The following PARL variants were observed in gnomAD, a reference collection of about 807,000 sequenced individuals.
PARL encodes presenilin associated rhomboid like, also known as presenilin-associated rhomboid-like protein, mitochondrial.
A neutral mutation model predicts 51.6 loss-of-function variants in PARL; 44 were observed. The ratio of observed to expected loss-of-function variants is 0.85; its 90% confidence interval spans 0.67 to 1.10. The LOEUF (loss-of-function observed/expected upper bound fraction) is 1.10. Ranked by LOEUF, PARL falls within the 50% of genes least tolerant of loss-of-function variation. The pLI, the probability that PARL is intolerant of heterozygous loss-of-function variation, is 0.00. For synonymous variants in PARL, 172 were observed against 164.0 expected, an observed-to-expected ratio of 1.05 and a Z score of -0.37; for missense variants, 441 against 469.5, an observed-to-expected ratio of 0.94 and a Z score of 0.56.
chr3:183,848,980 G>A (rs1039164545), intron 4 of PARL, among the ~76,000 whole-genome samples: 1 of 152,102 alleles, frequency 6.6e-6, no homozygotes, highest in African/African-American at 2.4e-5. Flanking sequence ...ATATAATGAT[G>A]AAAAGGTCAA....
intron 6 of PARL, 132 bp from the exon 7 acceptor site, chr3:183,840,772 A>G: frequency 1.7e-6 from 1 of 596,498 alleles, no homozygotes. Flanking sequence ...GCAGTGGTAC[A>G]ATTTTGGCTC....
chr3:183,841,896 CTTAAG>C (rs1410948675), intron 6 of PARL, among the ~76,000 whole-genome samples: 1 of 152,112 alleles, frequency 6.6e-6, no homozygotes, highest in Non-Finnish European at 1.5e-5. Flanking sequence ...AATGAGCTTG[CTTAAG>C]GTTATTTAAC....
intron 1 of PARL, among the ~76,000 whole-genome samples, chr3:183,882,257 A>ATT (rs1427022011): frequency 1.8e-5 from 1 of 56,150 alleles, no homozygotes; most frequent in African/African-American, 5.9e-5. Flanking sequence ...ATATATATAT[A>ATT]TATATATATA....
At chr3:183,861,610 C>T (rs1227401430) in intron 4 of PARL, among the ~76,000 whole-genome samples, 2 of 152,100 alleles carry the variant, frequency 1.3e-5, no homozygotes, top group Non-Finnish European at 2.9e-5. Flanking sequence ...GAAAGATAAA[C>T]ACCCTTTCTC....
Position 183,884,736 on chromosome 3 carries a change from C to T in PARL, c.111G>A (p.Gln37=). 6.3e-7 allele frequency: 1 copy of T among 1,589,632 alleles called. No individual in the cohort carries two copies. Among genetic ancestry groups the T allele is most frequent in the Non-Finnish European group, 8.5e-7 (1 of 1,170,834 alleles). Residue 37 remains glutamine, a synonymous_variant, in exon 1 of 10, where the codon CAG becomes CAA. Coordinates refer to ENST00000317096, the MANE Select transcript of PARL (RefSeq NM_018622.7). ...EELTAVLTPP[Q]LLGRRFNFFI... ...GCGGCTATTACCTGCGTCCGAGGAG[C>T]TGCGGCGGGGTTAGGACCGCAGTGA... is the stretch of plus-strand genomic sequence containing the variant.
chr3:183,870,060 G>A (rs369265205), intron 1 of PARL, among the ~76,000 whole-genome samples: 3 of 147,126 alleles, frequency 2.0e-5, no homozygotes, highest in South Asian at 2.2e-4. Context: ...GGTGGATCAC[G>A]AGGTCAGGAG....
At chr3:183,863,954 C>A (rs956605484) in intron 3 of PARL, among the ~76,000 whole-genome samples, 4 of 152,158 alleles carry the variant, frequency 2.6e-5, no homozygotes, top group African/African-American at 7.2e-5. Context: ...CTGTTTGTAT[C>A]ATTTTTCACC....
intron 4 of PARL, among the ~76,000 whole-genome samples, chr3:183,853,550 T>A (rs1239013482): frequency 6.6e-6 from 1 of 151,928 alleles, no homozygotes; most frequent in South Asian, 2.1e-4. Context: ...AGACTCTGTC[T>A]CAAAAAAACA....
In PARL at chr3:183,830,897, C is replaced by T. The variant is rs117011890; in HGVS notation, c.1029-1188G>A. On this transcript the variant is annotated intron_variant, in intron 9 of 9. Coordinates refer to ENST00000317096, the MANE Select transcript of PARL (RefSeq NM_018622.7). Reference sequence around the variant, plus strand: ...TTTAGAATGAGAGAAAAAGGAGCACCCTAATATTCAAATGCAATTATAAAA... The same window carrying T: ...TTTAGAATGAGAGAAAAAGGAGCACTCTAATATTCAAATGCAATTATAAAA... Among the ~76,000 whole-genome samples the T allele has an allele frequency of 0.01, 1,528 of 152,202 alleles. 116 individuals carry two copies. In the East Asian group the frequency reaches 0.18, roughly 18 times the overall value.
Position 183,855,194 on chromosome 3 carries a change from T to C in PARL, c.511+7559A>G, listed in dbSNP as rs191999184. Among the ~76,000 whole-genome samples the C allele has an allele frequency of 2.0e-5, 3 of 152,306 alleles. No homozygotes were observed. The East Asian group carries it at 5.8e-4, about 29-fold the overall frequency. ...TGACTGCTAACGGGAATGGGGTTTC[T>C]TTCTGGGATAATGAAAAGGCCCTGG... On this transcript the variant is annotated intron_variant, in intron 4 of 9. Coordinates refer to ENST00000317096, the MANE Select transcript of PARL (RefSeq NM_018622.7).
intron 1 of PARL, among the ~76,000 whole-genome samples, chr3:183,873,540 C>T (rs931574268): frequency 1.5e-5 from 2 of 129,904 alleles, no homozygotes; most frequent in African/African-American, 6.0e-5. Flanking sequence ...CAGAGCAAGA[C>T]TCCGTCTCAA....
At chr3:183,859,440 C>T (rs1222145239) in intron 4 of PARL, among the ~76,000 whole-genome samples, 3 of 152,010 alleles carry the variant, frequency 2.0e-5, no homozygotes, top group African/African-American at 4.8e-5. Context: ...CAAGTTCAAG[C>T]GATTCTCCTG....
intron 4 of PARL, chr3:183,846,404 A>G: frequency 8.4e-6 from 3 of 355,242 alleles, no homozygotes; most frequent in Non-Finnish European, 1.2e-5. Context: ...GAGGCAGGAG[A>G]ATCACTTGAA....
Position 183,829,470 on chromosome 3 carries a change from T to G in PARL, c.*128A>C. ...AAAGACACGGACTGGGGGACACAGC[T>G]GAAAACAGTGGGAGGCCAGATGCTG... On this transcript the variant is annotated 3_prime_UTR_variant, in exon 10 of 10. Transcript: ENST00000317096. 6.2e-7 allele frequency: 1 copy of G among 1,608,046 alleles called. No individual in the cohort carries two copies. The highest frequency in any genetic ancestry group is 8.5e-7 in the Non-Finnish European group (1 of 1,177,638).
chr3:183,884,840 A>G lies in PARL; in HGVS notation c.7T>C (p.Trp3Arg), dbSNP rs770558265. The part of the protein sequence containing the change: MA[W>R]RGWAQRGWGC... ...CAGCCTCTCTGCGCCCAGCCTCGCCACGCCATCTTCCCAACCTCTGCCCCA... is the reference window on the plus strand; with the variant it reads ...CAGCCTCTCTGCGCCCAGCCTCGCCGCGCCATCTTCCCAACCTCTGCCCCA... Residue 3 changes from tryptophan (W) to arginine (R), a missense_variant, in exon 1 of 10, where the codon TGG (tryptophan) becomes CGG (arginine). Coordinates refer to ENST00000317096, the MANE Select transcript of PARL (RefSeq NM_018622.7). 1.3e-6 allele frequency: 2 copies of G among 1,597,088 alleles called. No homozygotes were observed. The highest frequency in any genetic ancestry group is 1.3e-5 in the African/African-American group (1 of 74,810).
chr3:183,842,172 T>G, intron 6 of PARL, 126 bp downstream of exon 6: 5 of 983,472 alleles, frequency 5.1e-6, no homozygotes, highest in Non-Finnish European at 8.1e-6. Context: ...ACATACACTG[T>G]GAGAAACAAA....
At chr3:183,862,654 T>C in intron 4 of PARL, 99 bp downstream of exon 4, 1 of 888,700 alleles carries the variant, frequency 1.1e-6, no homozygotes, top group Middle Eastern at 2.1e-4. Context: ...TCTAAACCAC[T>C]GGTGAGCATG....
intron 4 of PARL, among the ~76,000 whole-genome samples, chr3:183,847,538 T>G (rs1051700860): frequency 6.6e-6 from 1 of 151,778 alleles, no homozygotes; most frequent in Non-Finnish European, 1.5e-5. Context: ...TACTCCAGTC[T>G]GGGCGACAGA....
At position 183,829,729 on chromosome 3, in the gene PARL, G is replaced by T. The variant is rs1277115107; in HGVS notation, c.1029-20C>A. 6.3e-7 allele frequency: 1 copy of T among 1,591,666 alleles called. No homozygotes were observed. The highest frequency in any genetic ancestry group is 1.7e-5 in the Admixed American group (1 of 59,990). The stretch of plus-strand genomic sequence containing the variant: ...TACCATCTGGAGAAAAACAAACCAG[G>T]TCCGACATTCAAACAGTGTGACATA... On this transcript the variant is annotated intron_variant, in intron 9 of 9. Coordinates refer to ENST00000317096, the MANE Select transcript of PARL (RefSeq NM_018622.7).
Sources: allele counts gnomAD v4.1 joint callset (sites outside exome capture counted in the v4.1 genomes callset), GRCh38; gene constraint gnomAD v4.1.1; transcripts MANE v1.5; gene names NCBI Gene and HGNC (gene_info 2026-07-23, HGNC 2026-07-21).